The following TSGA10IP variants were observed in gnomAD, a reference collection of about 807,000 sequenced individuals.
TSGA10IP encodes testis-specific protein 10-interacting protein.
In TSGA10IP, 64 loss-of-function variants were observed where a neutral mutation model predicts 63.2. That is an observed-to-expected ratio of 1.01 (90% CI 0.83 to 1.25). The LOEUF (loss-of-function observed/expected upper bound fraction) is 1.25. Among genes scored for constraint, TSGA10IP ranks in the 50% most tolerant of loss-of-function variants. The pLI is 0.00. For synonymous variants in TSGA10IP, 316 were observed against 298.3 expected (o/e 1.06, Z -0.61); for missense variants, 681 against 710.1 (o/e 0.96, Z 0.47).
At chr11:65,950,541 G>C (rs1854925070) in intron 4 of TSGA10IP, among the ~76,000 whole-genome samples, 1 of 151,384 alleles carries the variant, frequency 6.6e-6, no homozygotes. Flanking sequence ...CTGCAGTCAT[G>C]AGCCACCATG....
At chr11:65,959,834 G>A (rs1855086000) in exon 8 of TSGA10IP, 1 of 1,570,934 alleles carries the variant, frequency 6.4e-7, no homozygotes. Flanking sequence ...AGGTCAATGG[G>A]GGTGAGAATG....
At chr11:65,946,916 G>C in exon 2 of TSGA10IP, 1 of 1,613,956 alleles carries the variant, frequency 6.2e-7, no homozygotes, top group Non-Finnish European at 8.5e-7. Context: ...GCCAAATCAA[G>C]ACCTGCAGCA....
At chr11:65,953,813 G>C in intron 5 of TSGA10IP, 76 bp downstream of exon 5, 1 of 1,255,206 alleles carries the variant, frequency 8.0e-7, no homozygotes, top group Non-Finnish European at 1.0e-6. Context: ...CTACAGGACC[G>C]AGGAGCACCA....
chr11:65,951,270 C>T (rs1053906930), intron 4 of TSGA10IP, among the ~76,000 whole-genome samples: 24 of 151,934 alleles, frequency 1.6e-4, no homozygotes, highest in African/African-American at 5.8e-4. Flanking sequence ...TTTTGGGGAA[C>T]CTTGATATTG....
chr11:65,957,296 G>A (rs560733993), intron 5 of TSGA10IP, among the ~76,000 whole-genome samples: 3 of 152,206 alleles, frequency 2.0e-5, no homozygotes, highest in African/African-American at 4.8e-5. Flanking sequence ...GATTACAGGC[G>A]CACGCCACCA....
At chr11:65,945,559 C>A in exon 1 of TSGA10IP, 1 of 1,167,332 alleles carries the variant, frequency 8.6e-7, no homozygotes, top group Non-Finnish European at 1.2e-6. Flanking sequence ...CCTCACATAC[C>A]CCACTGACCC....
intron 1 of TSGA10IP, 95 bp from the exon 2 acceptor site, chr11:65,946,785 C>A: frequency 6.9e-7 from 1 of 1,446,678 alleles, no homozygotes; most frequent in Non-Finnish European, 9.3e-7. Flanking sequence ...CCAGCCAGGC[C>A]CAGCCAGGTG....
At chr11:65,958,932 A>G in exon 6 of TSGA10IP, 1 of 1,613,244 alleles carries the variant, frequency 6.2e-7, no homozygotes, top group Non-Finnish European at 8.5e-7. Context: ...GCTGCAAGGC[A>G]TCCAGCACAG....
At chr11:65,946,658 C>T (rs1278562532) in intron 1 of TSGA10IP, among the ~76,000 whole-genome samples, 1 of 152,204 alleles carries the variant, frequency 6.6e-6, no homozygotes, top group Non-Finnish European at 1.5e-5. Flanking sequence ...TGGTCTCGAA[C>T]TCCTGGCCTC....
chr11:65,957,653 T>C (rs972348923), intron 5 of TSGA10IP, among the ~76,000 whole-genome samples: 1 of 152,146 alleles, frequency 6.6e-6, no homozygotes, highest in Non-Finnish European at 1.5e-5. Context: ...AAGGGTGGCA[T>C]GGCCCAGCAA....
intron 4 of TSGA10IP, among the ~76,000 whole-genome samples, chr11:65,952,329 CATTT>C (rs1200714591): frequency 2.6e-5 from 4 of 152,096 alleles, no homozygotes; most frequent in African/African-American, 9.7e-5. Context: ...GATGCAACTT[CATTT>C]GTCTATTTTA....
Position 65,948,168 on chromosome 11 carries a change from A to T in TSGA10IP, c.1151+20A>T. On this transcript the variant is annotated intron_variant, in intron 4 of 7. Transcript: ENST00000532620. ...CACCAGGTAAGAGGGAAGAGAAGGG[A>T]GTGGGAGCCCAGAATGAGAAGTAGA... 6.3e-7 allele frequency: 1 copy of T among 1,595,504 alleles called. No homozygotes were observed. Among genetic ancestry groups the T allele is most frequent in the Non-Finnish European group, 8.5e-7 (1 of 1,171,540 alleles).
At chr11:65,953,675 A>G in exon 5 of TSGA10IP, 1 of 1,591,346 alleles carries the variant, frequency 6.3e-7, no homozygotes. Flanking sequence ...ACTGCCTGGC[A>G]GCCTACGCAC....
intron 4 of TSGA10IP, among the ~76,000 whole-genome samples, chr11:65,952,724 T>C (rs572996533): frequency 6.6e-5 from 10 of 151,980 alleles, no homozygotes; most frequent in African/African-American, 9.6e-5. Flanking sequence ...TGTGTATATA[T>C]ACCATGTTGC....
rs780520773 is a variant in TSGA10IP at position 65,948,083 on chromosome 11, C to T, written c.1086C>T (p.Tyr362=). Residue 362 remains tyrosine (Y), a synonymous_variant, in exon 4 of 8, where the codon TAC becomes TAT. Coordinates refer to ENST00000532620, the Ensembl canonical transcript of TSGA10IP. Reference sequence around the variant, plus strand: ...ATGGAAAGGCCTATGCCTCGGGATACGATGAAACTTTCGTGTCTGCCAACC... The same window carrying T: ...ATGGAAAGGCCTATGCCTCGGGATATGATGAAACTTTCGTGTCTGCCAACC... 49 of 1,593,654 alleles carry T rather than the reference C, an allele frequency of 3.1e-5. No individual in the cohort carries two copies. In the Middle Eastern group the frequency reaches 8.2e-4, roughly 27 times the overall value.
chr11:65,947,678 G>A, exon 3 of TSGA10IP: 3 of 1,606,566 alleles, frequency 1.9e-6, no homozygotes, highest in South Asian at 1.1e-5. Flanking sequence ...AGCCTCCGAT[G>A]AGGGAGAAGT....
chr11:65,947,318 G>A, exon 3 of TSGA10IP: 3 of 1,612,388 alleles, frequency 1.9e-6, no homozygotes, highest in Non-Finnish European at 2.5e-6. Context: ...CTGGAAGACA[G>A]AGGCGCAAAA....
At chr11:65,956,396 C>G (rs1173066696) in intron 5 of TSGA10IP, among the ~76,000 whole-genome samples, 24 of 152,152 alleles carry the variant, frequency 1.6e-4, no homozygotes. Context: ...CTCAGCCTCC[C>G]AAAGTGCTAG....
chr11:65,950,117 C>T (rs922487038), intron 4 of TSGA10IP, among the ~76,000 whole-genome samples: 7 of 151,830 alleles, frequency 4.6e-5, no homozygotes, highest in East Asian at 3.9e-4. Flanking sequence ...TCCCAAAGTG[C>T]GGGGATCACA....
Sources: gnomAD v4.1 joint callset for allele counts (sites outside exome capture counted in the v4.1 genomes callset) on GRCh38, gnomAD v4.1.1 for gene constraint, MANE v1.5 for transcripts, NCBI Gene and HGNC (gene_info 2026-07-23, HGNC 2026-07-21) for gene names.